FAP: variants seen among roughly 807,000 people sequenced by gnomAD.
FAP encodes the protein fibroblast activation protein alpha, also known as prolyl endopeptidase FAP.
A neutral mutation model predicts 126.5 loss-of-function variants in FAP; 110 were observed. The observed-to-expected ratio is 0.87, with a 90% confidence interval of 0.74 to 1.02. FAP has a LOEUF of 1.02. Among genes scored for constraint, FAP ranks in the 50% least tolerant of loss-of-function variants. The pLI is 0.00. For missense variants in FAP, 919 were observed against 909.2 expected (o/e 1.01, Z -0.14); for synonymous variants, 334 against 297.3 (o/e 1.12, Z -1.27).
intron 20 of FAP, among the ~76,000 whole-genome samples, chr2:162,187,050 T>C (rs1687886401): frequency 6.6e-6 from 1 of 152,086 alleles, no homozygotes; most frequent in Non-Finnish European, 1.5e-5. Flanking sequence ...TTTTTTTAAT[T>C]GAACATTTTG....
chr2:162,181,169 C>T (rs1472765182), intron 21 of FAP, among the ~76,000 whole-genome samples: 1 of 151,672 alleles, frequency 6.6e-6, no homozygotes, highest in Non-Finnish European at 1.5e-5. Context: ...CCCAGCTACT[C>T]AGGAGGCTGA....
intron 21 of FAP, among the ~76,000 whole-genome samples, chr2:162,182,806 T>G (rs1240684882): frequency 2.6e-5 from 4 of 152,340 alleles, no homozygotes; most frequent in African/African-American, 9.6e-5. Context: ...AACGATAAGT[T>G]TTGCCACTTT....
chr2:162,177,749 T>C (rs1687532942), intron 21 of FAP, among the ~76,000 whole-genome samples: 1 of 152,124 alleles, frequency 6.6e-6, no homozygotes, highest in Admixed American at 6.6e-5. Context: ...CATTCCCAAC[T>C]CCATAAGGGT....
chr2:162,235,764 C>T (rs1192722021), intron 2 of FAP, among the ~76,000 whole-genome samples: 1 of 152,180 alleles, frequency 6.6e-6, no homozygotes, highest in Non-Finnish European at 1.5e-5. Context: ...AAGTCTTGTT[C>T]TTTCGCTCTT....
At chr2:162,203,167 T>C in intron 12 of FAP, 22 bp from the exon 13 acceptor site, 1 of 1,535,188 alleles carries the variant, frequency 6.5e-7, no homozygotes, top group Non-Finnish European at 9.0e-7. Flanking sequence ...TAGCAGAGGT[T>C]ATGTTCAAAA....
chr2:162,183,556 T>A, intron 20 of FAP, 88 bp from the exon 21 acceptor site: 4 of 763,498 alleles, frequency 5.2e-6, no homozygotes, highest in Non-Finnish European at 9.1e-6. Flanking sequence ...TCCAAAGATT[T>A]AATAGAAACG....
At chr2:162,240,857 C>T (rs1274254394) in intron 2 of FAP, among the ~76,000 whole-genome samples, 3 of 152,140 alleles carry the variant, frequency 2.0e-5, no homozygotes, top group African/African-American at 4.8e-5. Context: ...TTCTCATAGG[C>T]ACTGGGCAGA....
At chr2:162,172,785 A>G in intron 25 of FAP, 26 bp downstream of exon 25, 1 of 1,538,032 alleles carries the variant, frequency 6.5e-7, no homozygotes, top group Non-Finnish European at 9.0e-7. Flanking sequence ...TAAGGCCATG[A>G]ACATGAGTAA....
intron 16 of FAP, among the ~76,000 whole-genome samples, chr2:162,196,873 A>G (rs959601562): frequency 1.3e-5 from 2 of 152,194 alleles, no homozygotes; most frequent in African/African-American, 4.8e-5. Context: ...GCTAAATGGG[A>G]AATTACCATA....
At chr2:162,198,607 T>A (rs1688358249) in intron 16 of FAP, 150 bp downstream of exon 16, 4 of 1,011,624 alleles carry the variant, frequency 4.0e-6, no homozygotes, top group Non-Finnish European at 5.8e-6. Context: ...CTTCCTATCC[T>A]CCTTTAATTT....
chr2:162,190,106 T>C (rs775874134), intron 17 of FAP, among the ~76,000 whole-genome samples: 1 of 152,050 alleles, frequency 6.6e-6, no homozygotes, highest in Non-Finnish European at 1.5e-5. Flanking sequence ...ATTTCTTTTA[T>C]CATATACTTA....
intron 12 of FAP, among the ~76,000 whole-genome samples, chr2:162,204,634 G>A (rs982923912): frequency 2.6e-5 from 4 of 152,144 alleles, no homozygotes; most frequent in African/African-American, 9.7e-5. Flanking sequence ...GAGACAGGGA[G>A]GATTCTTCTC....
At chr2:162,191,860 A>G (rs547738041) in intron 17 of FAP, among the ~76,000 whole-genome samples, 81 of 152,248 alleles carry the variant, frequency 5.3e-4, no homozygotes, top group Non-Finnish European at 1.0e-3. Flanking sequence ...GTTTTCAAAT[A>G]AACTTCCCCC....
rs16846353 is a variant in FAP, at chr2:162,195,194, G to C, written c.1403-446C>G. On this transcript the variant is annotated intron_variant, in intron 16 of 25. Coordinates refer to ENST00000188790, the MANE Select transcript of FAP (RefSeq NM_004460.5). ...AGCTTATTTAGATGGGTAAAATCGA[G>C]TATTTTTTCCATGGAATAATACATG... is the stretch of plus-strand genomic sequence containing the variant. 0.011 allele frequency among the ~76,000 whole-genome samples: 1,620 copies of C among 152,130 alleles called. 113 individuals carry two copies. In the East Asian group the frequency reaches 0.19, roughly 18 times the overall value.
chr2:162,192,054 G>A (rs953131973), intron 17 of FAP, among the ~76,000 whole-genome samples: 1 of 151,908 alleles, frequency 6.6e-6, no homozygotes, highest in South Asian at 2.1e-4. Flanking sequence ...TTTTTCTGCT[G>A]ATTTCCTCTA....
At chr2:162,242,483 G>A (rs1005191865) in intron 2 of FAP, among the ~76,000 whole-genome samples, 1 of 152,136 alleles carries the variant, frequency 6.6e-6, no homozygotes, top group Admixed American at 6.6e-5. Flanking sequence ...TTTTTGGAAA[G>A]ACTATTTAGT....
Position 162,172,999 on chromosome 2 carries a change from CAGCAGTG to C in FAP, c.2108-122_2108-116del, listed in dbSNP as rs1402274033. ...TATCTAGTCATGCATTTGACATTGT[CAGCAGTG>C]AGTAATCACACTCAGATATGGAAAT... On this transcript the variant is annotated intron_variant, in intron 24 of 25. Transcript: ENST00000188790. 9 of 1,104,528 alleles carry C rather than the reference CAGCAGTG, an allele frequency of 8.1e-6. No homozygotes were observed. The East Asian group carries it at 1.9e-4, about 23-fold the overall frequency. 68.4% of individuals were successfully genotyped at this position (1,104,528 alleles called of 1,614,324 possible).
intron 21 of FAP, among the ~76,000 whole-genome samples, chr2:162,176,903 C>T (rs1687506409): frequency 6.6e-6 from 1 of 151,562 alleles, no homozygotes; most frequent in Admixed American, 6.6e-5. Flanking sequence ...TTAAATAAAG[C>T]TTTCCTGTTT....
chr2:162,235,719 G>C (rs960325476), intron 2 of FAP, among the ~76,000 whole-genome samples: 2 of 152,216 alleles, frequency 1.3e-5, no homozygotes, highest in Admixed American at 6.5e-5. Flanking sequence ...TGAGCCAGCA[G>C]TGGCACTCTG....
Sources: gnomAD v4.1 joint callset for allele counts (sites outside exome capture counted in the v4.1 genomes callset) on GRCh38, gnomAD v4.1.1 for gene constraint, MANE v1.5 for transcripts, NCBI Gene and HGNC (gene_info 2026-07-23, HGNC 2026-07-21) for gene names.